MPP4: variants seen among roughly 807,000 people sequenced by gnomAD.
The protein encoded by MPP4 is MAGUK p55 scaffold protein 4, also known as MAGUK p55 subfamily member 4.
A neutral mutation model predicts 98.3 loss-of-function variants in MPP4; 91 were observed. The ratio of observed to expected loss-of-function variants is 0.93; its 90% CI spans 0.78 to 1.10. The LOEUF (loss-of-function observed/expected upper bound fraction) is 1.10. MPP4 is among the 50% of genes least tolerant of loss of function. The pLI, the probability that MPP4 is intolerant of heterozygous loss-of-function variation, is 0.00. For synonymous variants in MPP4, 261 were observed against 271.8 expected (o/e 0.96, Z 0.39); for missense variants, 744 against 792.9 (o/e 0.94, Z 0.74).
chr2:201,663,814 C>T (rs550200618), intron 14 of MPP4, among the ~76,000 whole-genome samples: 12 of 152,086 alleles, frequency 7.9e-5, no homozygotes, highest in South Asian at 6.2e-4. Context: ...CTCAGGAATT[C>T]GAGGCTGCAA....
At chr2:201,651,432 AC>A (rs1687709909) in intron 18 of MPP4, 30 of 985,352 alleles carry the variant, frequency 3.0e-5, no homozygotes, top group Non-Finnish European at 3.6e-5. Context: ...GTCAATCTAA[AC>A]CCAAGATGAC....
intron 3 of MPP4, 45 bp from the exon 4 acceptor site, chr2:201,690,324 T>C: frequency 2.3e-6 from 3 of 1,319,384 alleles, no homozygotes; most frequent in Non-Finnish European, 3.2e-6. Context: ...ATAATATGAC[T>C]ATTGCCATTT....
intron 14 of MPP4, among the ~76,000 whole-genome samples, chr2:201,662,522 T>TAC (rs1467396148): frequency 7.9e-6 from 1 of 127,378 alleles, no homozygotes; most frequent in Non-Finnish European, 1.7e-5. Context: ...AAAAAAAAAG[T>TAC]ATATATATCA....
In MPP4 at chr2:201,669,782, G is replaced by A. The variant is rs77361840; in HGVS notation, c.995-32C>T. 70 of 1,365,770 alleles carry A rather than the reference G, an allele frequency of 5.1e-5. No individual in the cohort carries two copies. In the East Asian group the frequency reaches 5.3e-4, roughly 10 times the overall value. 84.6% of individuals were successfully genotyped at this position (1,365,770 alleles called of 1,614,324 possible). A position where few individuals can be genotyped will look rare whatever the true frequency, so the allele number is the denominator to read the frequency against. ...ACAAGCAAATGATTGAAGCAGGGGG[G>A]ATAAAAAGAACACAGTATCTGTACT... On this transcript the variant is annotated intron_variant, in intron 11 of 21. Coordinates refer to ENST00000409474, the MANE Select transcript of MPP4 (RefSeq NM_033066.3).
chr2:201,670,170 G>A (rs1164682648), intron 11 of MPP4, among the ~76,000 whole-genome samples: 1 of 152,148 alleles, frequency 6.6e-6, no homozygotes, highest in Non-Finnish European at 1.5e-5. Context: ...AACTATAAGT[G>A]CACCTTCAGT....
chr2:201,675,579 T>A (rs897934686), intron 10 of MPP4, among the ~76,000 whole-genome samples: 2 of 152,242 alleles, frequency 1.3e-5, no homozygotes, highest in Admixed American at 6.5e-5. Context: ...GTAAGCTGCC[T>A]CTCAGGCATG....
At chr2:201,655,197 T>G (rs1687817740) in intron 17 of MPP4, among the ~76,000 whole-genome samples, 1 of 152,178 alleles carries the variant, frequency 6.6e-6, no homozygotes, top group African/African-American at 2.4e-5. Flanking sequence ...TTGAATGCCA[T>G]GAGAATTAGC....
intron 18 of MPP4, among the ~76,000 whole-genome samples, chr2:201,652,951 T>C (rs10931966): frequency 0.032 from 4,847 of 152,300 alleles, 215 homozygotes; most frequent in East Asian, 0.18. Context: ...CTAAATGATA[T>C]ATTGGGTTAT....
At chr2:201,679,749 CA>C (rs1354018649) in intron 10 of MPP4, among the ~76,000 whole-genome samples, 1 of 152,198 alleles carries the variant, frequency 6.6e-6, no homozygotes, top group African/African-American at 2.4e-5. Context: ...AAATTTCGCT[CA>C]CACCACTCCA....
rs780733484 is a variant in MPP4, at chr2:201,685,937, C to T, written c.474G>A (p.Val158=). 1.2e-6 allele frequency: 2 copies of T among 1,611,880 alleles called. No individual in the cohort carries two copies. The highest frequency in any genetic ancestry group is 1.7e-6 in the Non-Finnish European group (2 of 1,178,266). Reference sequence around the variant, plus strand: ...TCCTTACCAGGGGCTGTTGGTTTTTCACTAAACAAACAATCCTCATTGCTT... The same window carrying T: ...TCCTTACCAGGGGCTGTTGGTTTTTTACTAAACAAACAATCCTCATTGCTT... ...SEEAMRIVCL[V]KNQQPLGATI... Residue 158 remains valine, a synonymous_variant, in exon 6 of 22, where the codon GTG becomes GTA. Coordinates refer to ENST00000409474, the MANE Select transcript of MPP4 (RefSeq NM_033066.3).
At chr2:201,651,678 G>T (rs1687715098) in intron 18 of MPP4, 1 of 984,886 alleles carries the variant, frequency 1.0e-6, no homozygotes, top group Admixed American at 6.1e-5. Context: ...TTTTGGCCGG[G>T]CACAGTGGCT....
intron 12 of MPP4, among the ~76,000 whole-genome samples, chr2:201,668,556 C>T (rs1434593955): frequency 6.6e-6 from 1 of 152,096 alleles, no homozygotes; most frequent in Non-Finnish European, 1.5e-5. Flanking sequence ...CACATAAGCA[C>T]ACAGCAAAGA....
At chr2:201,672,725 C>T (rs1559011425) in intron 11 of MPP4, among the ~76,000 whole-genome samples, 1 of 152,110 alleles carries the variant, frequency 6.6e-6, no homozygotes, top group South Asian at 2.1e-4. Context: ...CCTGAATAGA[C>T]CAATAACAAG....
intron 16 of MPP4, 88 bp downstream of exon 16, chr2:201,658,389 A>T: frequency 8.9e-7 from 1 of 1,126,658 alleles, no homozygotes; most frequent in Non-Finnish European, 1.3e-6. Context: ...AATGTTCATT[A>T]GCAAAAGAAA....
intron 6 of MPP4, among the ~76,000 whole-genome samples, chr2:201,685,602 G>T (rs1197814237): frequency 6.6e-6 from 1 of 152,224 alleles, no homozygotes; most frequent in Non-Finnish European, 1.5e-5. Flanking sequence ...CAATGGAATT[G>T]AGGGAAATAC....
chr2:201,654,769 G>GTTA, intron 18 of MPP4, 68 bp downstream of exon 18: 1 of 1,115,452 alleles, frequency 9.0e-7, no homozygotes, highest in Non-Finnish European at 1.3e-6. Context: ...GAATGACATA[G>GTTA]TTAAATGAGA....
intron 10 of MPP4, among the ~76,000 whole-genome samples, chr2:201,677,429 C>G (rs1260199173): frequency 1.3e-5 from 2 of 152,134 alleles, no homozygotes; most frequent in Admixed American, 6.5e-5. Flanking sequence ...TTATTTTCCA[C>G]CAATATGCCC....
chr2:201,681,344 G>C (rs1688660370), intron 9 of MPP4, among the ~76,000 whole-genome samples, 152 bp downstream of exon 9: 1 of 152,004 alleles, frequency 6.6e-6, no homozygotes, highest in African/African-American at 2.4e-5. Flanking sequence ...TACTTATTTT[G>C]CTTCTCGGGC....
intron 7 of MPP4, 56 bp from the exon 8 acceptor site, chr2:201,682,972 G>C (rs1282266744): frequency 5.8e-6 from 8 of 1,372,524 alleles, no homozygotes; most frequent in Non-Finnish European, 7.3e-6. Flanking sequence ...GATAAAAATA[G>C]CAGTAGCTAC....
Sources: gnomAD v4.1 joint callset for allele counts (sites outside exome capture counted in the v4.1 genomes callset) on GRCh38, gnomAD v4.1.1 for gene constraint, MANE v1.5 for transcripts, NCBI Gene and HGNC (gene_info 2026-07-23, HGNC 2026-07-21) for gene names.